The following NEK11 variants were observed in gnomAD, a reference collection of about 807,000 sequenced individuals.
The protein encoded by NEK11 is NIMA related kinase 11.
NEK11 carries 72 observed loss-of-function variants against 80.7 expected under a neutral mutation model. The observed-to-expected ratio is 0.89, with a 90% confidence interval of 0.74 to 1.08. The LOEUF is 1.08. Among genes scored for constraint, NEK11 ranks in the 50% least tolerant of loss-of-function variants. The pLI, the probability that NEK11 is intolerant of heterozygous loss-of-function variation, is 0.00. For missense variants in NEK11, 764 were observed against 763.6 expected (o/e 1.00, Z -0.01); for synonymous variants, 251 against 260.7 (o/e 0.96, Z 0.36).
At chr3:131,030,149 G>T (rs936764926) in intron 3 of NEK11, among the ~76,000 whole-genome samples, 1 of 151,876 alleles carries the variant, frequency 6.6e-6, no homozygotes, top group African/African-American at 2.4e-5. Context: ...TGAGGCACAA[G>T]AATTGCTTAA....
intron 17 of NEK11, among the ~76,000 whole-genome samples, chr3:131,316,047 A>G (rs77949510): frequency 0.02 from 2,983 of 152,252 alleles, 103 homozygotes; most frequent in African/African-American, 0.068. Flanking sequence ...GAAAATTCTC[A>G]AAAGGCTATT....
intron 17 of NEK11, chr3:131,330,180 A>C (rs935727338): frequency 1.3e-5 from 2 of 152,222 alleles, no homozygotes; most frequent in African/African-American, 4.8e-5. Flanking sequence ...TGAGAGAAAG[A>C]GAGGAATCAA....
intron 14 of NEK11, among the ~76,000 whole-genome samples, chr3:131,198,922 G>T (rs1050280230): frequency 6.6e-6 from 1 of 152,186 alleles, no homozygotes; most frequent in Admixed American, 6.5e-5. Context: ...AACCTGTTAT[G>T]CCAAGGAGCC....
At chr3:131,187,634 A>T (rs945731323) in intron 14 of NEK11, among the ~76,000 whole-genome samples, 4 of 151,946 alleles carry the variant, frequency 2.6e-5, no homozygotes, top group African/African-American at 9.7e-5. Context: ...CCCATCTGCA[A>T]TTTTTTTTCA....
intron 17 of NEK11, among the ~76,000 whole-genome samples, chr3:131,301,094 C>T (rs1048870022): frequency 6.6e-6 from 1 of 152,162 alleles, no homozygotes; most frequent in East Asian, 1.9e-4. Context: ...AGAATTTTCA[C>T]TCCCTGGTTA....
intron 3 of NEK11, among the ~76,000 whole-genome samples, chr3:131,063,221 C>T (rs1048437492): frequency 5.9e-5 from 9 of 152,056 alleles, no homozygotes; most frequent in African/African-American, 2.2e-4. Context: ...GAGGGGGTCT[C>T]ACTATGTTGC....
At chr3:131,270,059 G>A (rs149033326) in intron 16 of NEK11, among the ~76,000 whole-genome samples, 20 of 152,282 alleles carry the variant, frequency 1.3e-4, no homozygotes, top group Non-Finnish European at 2.2e-4. Flanking sequence ...CTAGGTAATA[G>A]TGAGGAAGGG....
rs2089908735 is a variant in NEK11 at position 131,152,712 on chromosome 3, A to G, written c.876+3A>G. ...CTTACCTTGATGAGCAGCTACAGGT[A>G]TTTAAAATGAAAGGGATTCTGGGAA... On this transcript the variant is annotated splice_donor_region_variant and intron_variant, in intron 9 of 17. Transcript: ENST00000383366. The G allele has an allele frequency of 3.1e-6, 5 of 1,601,840 alleles. No homozygotes were observed. The South Asian group carries it at 4.4e-5, about 14-fold the overall frequency.
At position 131,320,458 on chromosome 3, in the gene NEK11, ATGTGT is replaced by A. The variant is rs2096885621; in HGVS notation, c.1719-29097_1719-29093del. On this transcript the variant is annotated intron_variant, in intron 17 of 17. Coordinates refer to ENST00000383366, the MANE Select transcript of NEK11 (RefSeq NM_024800.5). Reference sequence around the variant, plus strand: ...AACAGTAGACTAATTAATACTAACAATGTGTTAAAAATCAAAACTATTATTAATGC... The same window carrying A: ...AACAGTAGACTAATTAATACTAACAATAAAAATCAAAACTATTATTAATGC... Among the ~76,000 whole-genome samples the A allele has an allele frequency of 2.0e-5, 3 of 152,192 alleles. No individual in the cohort carries two copies. In the South Asian group the frequency reaches 6.2e-4, roughly 32 times the overall value.
At chr3:131,068,263 A>G (rs2072441661) in intron 3 of NEK11, among the ~76,000 whole-genome samples, 1 of 152,180 alleles carries the variant, frequency 6.6e-6, no homozygotes, top group Non-Finnish European at 1.5e-5. Context: ...CTGGACAAGC[A>G]GCTGCAGCCA....
chr3:131,222,158 C>T (rs1455847260), intron 14 of NEK11, among the ~76,000 whole-genome samples: 4 of 152,042 alleles, frequency 2.6e-5, no homozygotes, highest in Non-Finnish European at 5.9e-5. Flanking sequence ...GTTTTACTAG[C>T]AAAGATGAAA....
chr3:131,198,589 G>A (rs888361182), intron 14 of NEK11, among the ~76,000 whole-genome samples: 4 of 152,052 alleles, frequency 2.6e-5, no homozygotes, highest in South Asian at 2.1e-4. Flanking sequence ...TGCTACTGTC[G>A]CCAATACCCG....
intron 17 of NEK11, among the ~76,000 whole-genome samples, chr3:131,298,180 GT>G (rs368927134): frequency 0.14 from 20,684 of 149,318 alleles, 1,506 homozygotes; most frequent in Admixed American, 0.21. Context: ...CTTTAAAGTA[GT>G]TTTTTTCCAA....
At chr3:131,101,875 A>G (rs996025769) in intron 4 of NEK11, among the ~76,000 whole-genome samples, 2 of 152,224 alleles carry the variant, frequency 1.3e-5, no homozygotes, top group African/African-American at 4.8e-5. Flanking sequence ...TAGGCCAAGA[A>G]GAACTTGTTT....
At chr3:131,038,465 C>T (rs1410547921) in intron 3 of NEK11, among the ~76,000 whole-genome samples, 1 of 152,114 alleles carries the variant, frequency 6.6e-6, no homozygotes, top group Non-Finnish European at 1.5e-5. Context: ...TAAAAGAATC[C>T]GTGTGCTTTC....
chr3:131,068,418 G>T (rs2072482702), intron 3 of NEK11, among the ~76,000 whole-genome samples: 1 of 152,128 alleles, frequency 6.6e-6, no homozygotes, highest in Non-Finnish European at 1.5e-5. Flanking sequence ...TCCCTTCTTT[G>T]TATTCAAGTA....
At chr3:131,222,485 A>G (rs891679916) in intron 14 of NEK11, among the ~76,000 whole-genome samples, 3 of 152,202 alleles carry the variant, frequency 2.0e-5, no homozygotes, top group African/African-American at 7.2e-5. Context: ...TATCAACAAA[A>G]TGGGAGTAGT....
intron 17 of NEK11, among the ~76,000 whole-genome samples, chr3:131,331,939 C>A (rs1447469651): frequency 6.6e-6 from 1 of 152,218 alleles, no homozygotes; most frequent in Non-Finnish European, 1.5e-5. Flanking sequence ...CCCAGGCTTG[C>A]TTAGGTAAAC....
At chr3:131,054,018 A>T (rs2068891914) in intron 3 of NEK11, among the ~76,000 whole-genome samples, 1 of 152,208 alleles carries the variant, frequency 6.6e-6, no homozygotes, top group African/African-American at 2.4e-5. Flanking sequence ...AGTGTGTCTT[A>T]GGGACAGAGG....
Sources: gnomAD v4.1 joint callset for allele counts (sites outside exome capture counted in the v4.1 genomes callset) on GRCh38, gnomAD v4.1.1 for gene constraint, MANE v1.5 for transcripts, NCBI Gene and HGNC (gene_info 2026-07-23, HGNC 2026-07-21) for gene names.